Variants in CDK5RAP2 observed in about 807,000 individuals in gnomAD.
The protein encoded by CDK5RAP2 is CDK5 regulatory subunit associated protein 2, also known as CDK5 regulatory subunit-associated protein 2.
In CDK5RAP2, 147 loss-of-function variants were observed where a neutral mutation model predicts 232.9. The observed-to-expected ratio is 0.63, with a 90% confidence interval of 0.55 to 0.72. The LOEUF is 0.72. Ranked by LOEUF, CDK5RAP2 falls within the 30% of genes least tolerant of loss-of-function variation. CDK5RAP2 has a pLI of 0.00. For synonymous variants in CDK5RAP2, 833 were observed against 833.7 expected, an observed-to-expected ratio of 1.00 and a Z score of 0.01; for missense variants, 2,195 against 2,231.5, an observed-to-expected ratio of 0.98 and a Z score of 0.33.
At chr9:120,539,484 CAATA>C (rs1387975959) in intron 5 of CDK5RAP2, among the ~76,000 whole-genome samples, 2 of 152,110 alleles carry the variant, frequency 1.3e-5, no homozygotes, top group Non-Finnish European at 2.9e-5. Context: ...TCTTTTGTGT[CAATA>C]AATAAAAGTC....
chr9:120,536,702 C>A, intron 6 of CDK5RAP2, 176 bp from the exon 7 acceptor site: 1 of 708,864 alleles, frequency 1.4e-6, no homozygotes, highest in Non-Finnish European at 2.5e-6. Context: ...GCCATTTTTC[C>A]CTCTTGTATC....
chr9:120,453,905 AC>A, intron 20 of CDK5RAP2, 32 bp from the exon 21 acceptor site: 1 of 1,611,464 alleles, frequency 6.2e-7, no homozygotes, highest in Non-Finnish European at 8.5e-7. Context: ...AAGTGGGAGA[AC>A]CAAGCTTTCT....
rs948437328 is a variant in CDK5RAP2, at chr9:120,402,939, C to T, written c.5174G>A (p.Arg1725His). Residue 1725 changes from arginine (R) to histidine (H), a missense_variant, in exon 34 of 38, where the codon CGC (arginine) becomes CAC (histidine). Arg to His is a conservative substitution (Grantham distance 29, BLOSUM62 0). Transcript: ENST00000349780. Reference sequence around the variant, plus strand: ...GTCCTCAATCAGGCCCAGGACATGGCGGCCATTCTTGCTGGCCCACAGGTG... The same window carrying T: ...GTCCTCAATCAGGCCCAGGACATGGTGGCCATTCTTGCTGGCCCACAGGTG... ...GHHLWASKNG[R>H]HVLGLIEDYE... 9.3e-6 allele frequency: 15 copies of T among 1,614,014 alleles called. No homozygotes were observed. Among genetic ancestry groups the T allele is most frequent in the African/African-American group, 8.0e-5 (6 of 74,908 alleles).
intron 12 of CDK5RAP2, among the ~76,000 whole-genome samples, chr9:120,514,728 A>G (rs2040249335): frequency 6.6e-6 from 1 of 152,164 alleles, no homozygotes; most frequent in African/African-American, 2.4e-5. Flanking sequence ...CACTCACAAG[A>G]AAGTCCTACC....
At chr9:120,565,560 C>T (rs1188963006) in intron 3 of CDK5RAP2, among the ~76,000 whole-genome samples, 1 of 152,142 alleles carries the variant, frequency 6.6e-6, no homozygotes, top group Admixed American at 6.5e-5. Context: ...GCTTCAATGG[C>T]CTCACTTCTC....
chr9:120,454,154 G>T (rs1276862812), intron 20 of CDK5RAP2, among the ~76,000 whole-genome samples: 1 of 152,224 alleles, frequency 6.6e-6, no homozygotes, highest in Non-Finnish European at 1.5e-5. Flanking sequence ...ACATAAATAT[G>T]TGAATGCAGG....
At chr9:120,550,751 G>A (rs752281643) in intron 4 of CDK5RAP2, 41 bp downstream of exon 4, 2 of 1,107,378 alleles carry the variant, frequency 1.8e-6, no homozygotes, top group Non-Finnish European at 2.8e-6. Flanking sequence ...ATGACAATGA[G>A]AAAGGACACA....
Position 120,419,892 on chromosome 9 carries a change from G to A in CDK5RAP2, c.4073C>T (p.Ala1358Val), listed in dbSNP as rs540653562. The A allele has an allele frequency of 1.1e-5, 17 of 1,613,356 alleles. No homozygotes were observed. The highest frequency in any genetic ancestry group is 8.8e-5 in the South Asian group (8 of 91,078). ...PESPEPSASHALSDYETSEKS... is the reference protein window; with the variant it reads ...PESPEPSASHVLSDYETSEKS... ...TTCAGATGTTTCATAATCAGAGAGC[G>A]CATGAGAGGCTGAAGGCTCAGGAGA... Residue 1358 changes from alanine (A) to valine (V), a missense_variant, in exon 27 of 38, where the codon GCG becomes GTG. Transcript: ENST00000349780.
At chr9:120,542,316 C>T (rs914943629) in intron 5 of CDK5RAP2, among the ~76,000 whole-genome samples, 5 of 152,046 alleles carry the variant, frequency 3.3e-5, no homozygotes, top group Admixed American at 2.6e-4. Context: ...ACCAGCCTGG[C>T]CAACATGGTG....
Position 120,389,081 on chromosome 9 carries a change from A to C in CDK5RAP2, c.*155T>G, listed in dbSNP as rs1200637807. On this transcript the variant is annotated 3_prime_UTR_variant, in exon 38 of 38. Transcript: ENST00000349780. The stretch of plus-strand genomic sequence containing the variant: ...CTGCACCTTTCTGACAACAACTCTC[A>C]AGCCAACTTTCAGAGAGAAAACATG... 8 of 722,610 alleles carry C rather than the reference A, an allele frequency of 1.1e-5. No individual in the cohort carries two copies. The Admixed American group carries it at 2.0e-4, about 18-fold the overall frequency. The allele number at this position is 722,610 out of a possible 1,614,324, so 44.8% of individuals were successfully genotyped here.
chr9:120,406,958 A>C, intron 32 of CDK5RAP2, 54 bp downstream of exon 32: 1 of 1,316,780 alleles, frequency 7.6e-7, no homozygotes, highest in Non-Finnish European at 1.1e-6. Flanking sequence ...CACATGTCAC[A>C]CACAGATGCT....
chr9:120,535,234 T>C (rs1176033422), intron 7 of CDK5RAP2, among the ~76,000 whole-genome samples: 1 of 152,214 alleles, frequency 6.6e-6, no homozygotes, highest in Non-Finnish European at 1.5e-5. Context: ...CTAGGGCACT[T>C]ACATGGAGGC....
At chr9:120,428,107 G>A (rs2035036870) in intron 25 of CDK5RAP2, among the ~76,000 whole-genome samples, 1 of 152,302 alleles carries the variant, frequency 6.6e-6, no homozygotes, top group South Asian at 2.1e-4. Flanking sequence ...ATTCAAAGGA[G>A]TGTGTAGAGG....
rs576678831 is a variant in CDK5RAP2 at position 120,439,178 on chromosome 9, G to A, written c.3722+221C>T. On this transcript the variant is annotated intron_variant, in intron 24 of 37. Coordinates refer to ENST00000349780, the MANE Select transcript of CDK5RAP2 (RefSeq NM_018249.6). Reference sequence around the variant, plus strand: ...CAGATTTCCAGAGGACCCAAGACTCGTAACTGACGTTCAAGTGCGTGGTCG... The same window carrying A: ...CAGATTTCCAGAGGACCCAAGACTCATAACTGACGTTCAAGTGCGTGGTCG... 1.8e-4 allele frequency among the ~76,000 whole-genome samples: 27 copies of A among 152,232 alleles called. No individual in the cohort carries two copies. In the South Asian group the frequency reaches 3.7e-3, roughly 21 times the overall value.
chr9:120,487,303 G>T lies in CDK5RAP2; in HGVS notation c.1617C>A (p.Ile539=). The T allele has an allele frequency of 1.2e-6, 2 of 1,614,100 alleles. No individual in the cohort carries two copies. The highest frequency in any genetic ancestry group is 2.2e-5 in the South Asian group (2 of 91,088). ...TTTCAGTCAAGCTTACCTTAGAGAA[G>T]ATGGTTTTGCTGCCTGGTGGCTGTT... is the stretch of plus-strand genomic sequence containing the variant. The part of the protein sequence containing the change: ...SSQQPPGSKT[I]FSKEKKQSSD... The change falls in exon 14 of 38, where the codon ATC becomes ATA. Residue 539 remains isoleucine, a synonymous_variant. Transcript: ENST00000349780.
At chr9:120,460,739 C>A (rs1250512768) in intron 18 of CDK5RAP2, 72 bp from the exon 19 acceptor site, 4 of 1,593,408 alleles carry the variant, frequency 2.5e-6, no homozygotes, top group Non-Finnish European at 3.4e-6. Context: ...ATGAATAAGT[C>A]AGTGATGTCT....
At chr9:120,496,774 A>G (rs1394002767) in intron 12 of CDK5RAP2, among the ~76,000 whole-genome samples, 11 of 100,678 alleles carry the variant, frequency 1.1e-4, no homozygotes, top group Non-Finnish European at 1.9e-4. Context: ...CGCCCCGTCC[A>G]GGAGGGAGGT....
chr9:120,486,298 C>T (rs1250880702), intron 14 of CDK5RAP2, among the ~76,000 whole-genome samples: 3 of 151,966 alleles, frequency 2.0e-5, no homozygotes, highest in African/African-American at 7.3e-5. Context: ...TTGAGAATCA[C>T]CCTTCACAAA....
At chr9:120,512,648 T>C (rs1203680604) in intron 12 of CDK5RAP2, among the ~76,000 whole-genome samples, 1 of 152,196 alleles carries the variant, frequency 6.6e-6, no homozygotes, top group Non-Finnish European at 1.5e-5. Flanking sequence ...TTACTGACGG[T>C]TTGGCATAGC....
Sources: gnomAD v4.1 joint callset for allele counts (sites outside exome capture counted in the v4.1 genomes callset) on GRCh38, gnomAD v4.1.1 for gene constraint, MANE v1.5 for transcripts, NCBI Gene and HGNC (gene_info 2026-07-23, HGNC 2026-07-21) for gene names.